Variants in NAV3 observed in about 807,000 individuals in gnomAD.
NAV3 encodes the protein pore membrane and/or filament interacting like protein 1.
A neutral mutation model predicts 244.7 loss-of-function variants in NAV3; 87 were observed. That is an observed-to-expected ratio of 0.36 (90% CI 0.30 to 0.42). The LOEUF is 0.42. Ranked by LOEUF, NAV3 falls within the 20% of genes least tolerant of loss-of-function variation. The pLI, the probability that NAV3 is intolerant of heterozygous loss-of-function variation, is 1.00. For synonymous variants in NAV3, 1,126 were observed against 1,042.2 expected (o/e 1.08, Z -1.55); for missense variants, 2,663 against 2,893.3 (o/e 0.92, Z 1.83).
chr12:77,743,741 T>C (rs1002262716), intron 2 of NAV3, among the ~76,000 whole-genome samples: 1 of 151,850 alleles, frequency 6.6e-6, no homozygotes, highest in Non-Finnish European at 1.5e-5. Flanking sequence ...TATATTATAA[T>C]AAAGCTTATT....
At chr12:77,771,252 A>G (rs1002076525) in intron 2 of NAV3, among the ~76,000 whole-genome samples, 2 of 152,218 alleles carry the variant, frequency 1.3e-5, no homozygotes, top group African/African-American at 4.8e-5. Context: ...ATCATTAAAA[A>G]GTCAGGAAAC....
chr12:77,661,199 C>G (rs1432147318), intron 2 of NAV3, among the ~76,000 whole-genome samples: 1 of 152,138 alleles, frequency 6.6e-6, no homozygotes, highest in Non-Finnish European at 1.5e-5. Flanking sequence ...TACATTCCCG[C>G]CAGCCATGTC....
At chr12:78,151,233 T>C (rs527682033) in intron 22 of NAV3, among the ~76,000 whole-genome samples, 1 of 152,230 alleles carries the variant, frequency 6.6e-6, no homozygotes, top group African/African-American at 2.4e-5. Flanking sequence ...TTTTGCACGC[T>C]GATGGGAGAC....
intron 1 of NAV3, among the ~76,000 whole-genome samples, chr12:77,840,801 A>G (rs890659940): frequency 2.0e-5 from 3 of 152,214 alleles, no homozygotes; most frequent in Non-Finnish European, 2.9e-5. Flanking sequence ...ACCTAGGTCT[A>G]TTTGACTTCC....
intron 10 of NAV3, among the ~76,000 whole-genome samples, 158 bp downstream of exon 10, chr12:78,050,259 G>C (rs1411942319): frequency 6.6e-6 from 1 of 152,108 alleles, no homozygotes; most frequent in Non-Finnish European, 1.5e-5. Context: ...TCCTTAAACT[G>C]AGAATTCACA....
At chr12:77,883,407 C>CA (rs1882903549) in intron 1 of NAV3, among the ~76,000 whole-genome samples, 1 of 151,890 alleles carries the variant, frequency 6.6e-6, no homozygotes. Context: ...ATGGAGATAA[C>CA]CATGGGAACA....
At chr12:77,994,590 G>A (rs1424184483) in intron 5 of NAV3, among the ~76,000 whole-genome samples, 1 of 132,932 alleles carries the variant, frequency 7.5e-6, no homozygotes, top group South Asian at 2.3e-4. Flanking sequence ...TTTATGACAA[G>A]GTGTGCACTG....
At chr12:77,609,657 T>C (rs1180269569) in intron 2 of NAV3, among the ~76,000 whole-genome samples, 1 of 149,856 alleles carries the variant, frequency 6.7e-6, no homozygotes, top group African/African-American at 2.4e-5. Flanking sequence ...CCAGGTGATG[T>C]TGATGCTGTT....
At chr12:77,978,936 TG>T (rs1233307455) in intron 5 of NAV3, among the ~76,000 whole-genome samples, 1 of 151,946 alleles carries the variant, frequency 6.6e-6, no homozygotes, top group Non-Finnish European at 1.5e-5. Flanking sequence ...AGCCTCAAAA[TG>T]TTGAGGTTAG....
intron 2 of NAV3, among the ~76,000 whole-genome samples, chr12:77,784,293 G>T (rs1035723854): frequency 3.9e-5 from 6 of 152,114 alleles, no homozygotes; most frequent in Non-Finnish European, 8.8e-5. Context: ...GGGCCTAGCT[G>T]GTTGCCAGAT....
intron 2 of NAV3, among the ~76,000 whole-genome samples, chr12:77,727,676 C>T (rs762414618): frequency 5.3e-5 from 8 of 151,920 alleles, no homozygotes; most frequent in Non-Finnish European, 8.8e-5. Flanking sequence ...AAATTCTGTT[C>T]TAAAAATTTT....
intron 9 of NAV3, among the ~76,000 whole-genome samples, chr12:78,031,680 A>T (rs1879005653): frequency 6.9e-6 from 1 of 143,906 alleles, no homozygotes; most frequent in Non-Finnish European, 1.5e-5. Flanking sequence ...GTGGGAATTG[A>T]ACAATGAGAT....
chr12:77,810,855 T>G (rs923516151), intron 2 of NAV3, among the ~76,000 whole-genome samples: 2 of 152,192 alleles, frequency 1.3e-5, no homozygotes, highest in Non-Finnish European at 2.9e-5. Context: ...AAGGTTTCCT[T>G]TTTGTCAAAT....
chr12:77,778,579 T>C (rs1298627455), intron 2 of NAV3, among the ~76,000 whole-genome samples: 1 of 136,830 alleles, frequency 7.3e-6, no homozygotes, highest in African/African-American at 2.8e-5. Context: ...GCCACTGCAC[T>C]CCAGCCTGGG....
chr12:77,620,994 G>A (rs1871349077), intron 2 of NAV3, among the ~76,000 whole-genome samples: 1 of 152,198 alleles, frequency 6.6e-6, no homozygotes, highest in African/African-American at 2.4e-5. Flanking sequence ...AAGTGTTAAA[G>A]AAGTTGGACA....
At chr12:77,777,764 G>T (rs1021418252) in intron 2 of NAV3, among the ~76,000 whole-genome samples, 1 of 151,464 alleles carries the variant, frequency 6.6e-6, no homozygotes, top group African/African-American at 2.4e-5. Flanking sequence ...AGACTAGAAG[G>T]TACCTCACCA....
chr12:78,094,478 C>A (rs1388851529), intron 12 of NAV3, among the ~76,000 whole-genome samples: 8 of 152,118 alleles, frequency 5.3e-5, no homozygotes, highest in African/African-American at 1.9e-4. Context: ...TTGTAAAATG[C>A]AAGAAATTAC....
In NAV3 at chr12:77,663,591, G is replaced by A. The variant is rs182785312; in HGVS notation, c.72+91325G>A. Among the ~76,000 whole-genome samples the A allele has an allele frequency of 4.0e-5, 6 of 148,430 alleles. No individual in the cohort carries two copies. In the East Asian group the frequency reaches 6.0e-4, roughly 15 times the overall value. On this transcript the variant is annotated intron_variant, in intron 2 of 8. Coordinates refer to the NAV3 transcript ENST00000550042. Reference sequence around the variant, plus strand: ...GGCTGGAGCGCAATGGCGCGATCTCGGCTCACTGCAGCCTTGGCCTCTCAA... The same window carrying A: ...GGCTGGAGCGCAATGGCGCGATCTCAGCTCACTGCAGCCTTGGCCTCTCAA...
In NAV3 at chr12:78,062,013, G is replaced by T. The variant is rs1340828262; in HGVS notation, c.2636+2898G>T. Among the ~76,000 whole-genome samples, 4 of 152,052 alleles carry T rather than the reference G, an allele frequency of 2.6e-5. No individual in the cohort carries two copies. In the East Asian group the frequency reaches 5.8e-4, roughly 22 times the overall value. On this transcript the variant is annotated intron_variant, in intron 12 of 39. Coordinates refer to ENST00000397909, the MANE Select transcript of NAV3 (RefSeq NM_001024383.2). ...CAAATCACATTTTAAAGGCCAAAAA[G>T]TCTTTCATAGCAATTTTTCAGATTA...
Sources: gnomAD v4.1 joint callset for allele counts (sites outside exome capture counted in the v4.1 genomes callset) on GRCh38, gnomAD v4.1.1 for gene constraint, MANE v1.5 for transcripts, NCBI Gene and HGNC (gene_info 2026-07-23, HGNC 2026-07-21) for gene names.